The following LRRC34 variants were observed in gnomAD, a reference collection of about 807,000 sequenced individuals.
LRRC34 encodes the protein leucine rich repeat containing 34, also known as leucine-rich repeat-containing protein 34.
LRRC34 carries 44 observed loss-of-function variants against 48.5 expected under a neutral mutation model. The observed-to-expected ratio is 0.91, with a 90% confidence interval of 0.71 to 1.17. LRRC34 has a LOEUF of 1.17. Among genes scored for constraint, LRRC34 ranks in the 50% most tolerant of loss-of-function variants. The pLI, the probability that LRRC34 is intolerant of heterozygous loss-of-function variation, is 0.00. For synonymous variants in LRRC34, 192 were observed against 197.6 expected (o/e 0.97, Z 0.24); for missense variants, 502 against 563.0 (o/e 0.89, Z 1.10).
At chr3:169,811,122 G>A (rs1361469821) in intron 1 of LRRC34, among the ~76,000 whole-genome samples, 4 of 152,150 alleles carry the variant, frequency 2.6e-5, no homozygotes, top group Non-Finnish European at 2.9e-5. Context: ...AGAAAATGCT[G>A]CTTTAGCGTC....
rs2108257975 is a variant in LRRC34 at position 169,812,655 on chromosome 3, A to G, written c.-107T>C. The stretch of plus-strand genomic sequence containing the variant: ...GCTGGCTGTGCCTGCCCGGGCCCTG[A>G]GGCCTCACTGCTAAGGCAGTGACCG... On this transcript the variant is annotated 5_prime_UTR_variant, in exon 1 of 11. Transcript: ENST00000446859. This position sits in a 1 kb window ranked among gnomAD's most constrained non-coding sequence, Gnocchi z 4.3. 2.2e-6 allele frequency: 3 copies of G among 1,377,930 alleles called. No homozygotes were observed. The highest frequency in any genetic ancestry group is 5.9e-5 in the East Asian group (2 of 34,058). 85.4% of individuals were successfully genotyped at this position (1,377,930 alleles called of 1,614,324 possible). A position where few individuals can be genotyped will look rare whatever the true frequency, so the allele number is the denominator to read the frequency against.
At chr3:169,808,527 G>A (rs1230334512) in intron 2 of LRRC34, 101 bp downstream of exon 2, 1 of 673,198 alleles carries the variant, frequency 1.5e-6, no homozygotes, top group Non-Finnish European at 2.6e-6. Context: ...ATTTTACCAA[G>A]CATTTTCAAA....
intron 8 of LRRC34, 141 bp downstream of exon 8, chr3:169,796,604 T>G (rs1778997581): frequency 1.0e-6 from 1 of 998,778 alleles, no homozygotes; most frequent in Non-Finnish European, 1.4e-6. Flanking sequence ...TATTAAAGCT[T>G]AGGACAAAGG....
At chr3:169,805,807 C>T (rs929749063) in intron 5 of LRRC34, among the ~76,000 whole-genome samples, 8 of 149,804 alleles carry the variant, frequency 5.3e-5, no homozygotes, top group Admixed American at 2.7e-4. Context: ...TTGCTTGAAC[C>T]TAGGAGGTGG....
intron 9 of LRRC34, 198 bp downstream of exon 9, chr3:169,796,016 G>A (rs752096374): frequency 1.4e-5 from 18 of 1,253,458 alleles, no homozygotes; most frequent in East Asian, 3.2e-5. Flanking sequence ...TGAAGGAATC[G>A]TTAATAGAAT....
intron 5 of LRRC34, 135 bp downstream of exon 5, chr3:169,806,713 A>G (rs778134764): frequency 1.1e-4 from 61 of 568,792 alleles, no homozygotes; most frequent in South Asian, 2.9e-4. Context: ...ACTTGAATAA[A>G]TTAAAGTATA....
chr3:169,812,369 T>C lies in LRRC34; in HGVS notation c.139+41A>G. ...CGACCCCGGCGCCCCTCGCGCGTTTTGTCTGGGCCAGGCCGCGCAGACGTG... is the reference window on the plus strand; with the variant it reads ...CGACCCCGGCGCCCCTCGCGCGTTTCGTCTGGGCCAGGCCGCGCAGACGTG... On this transcript the variant is annotated intron_variant, in intron 1 of 10. Transcript: ENST00000446859. The surrounding 1 kb of genome is among the most constrained non-coding windows in gnomAD (Gnocchi z 4.3). 2 of 1,497,892 alleles carry C rather than the reference T, an allele frequency of 1.3e-6. No individual in the cohort carries two copies. Among genetic ancestry groups the C allele is most frequent in the Non-Finnish European group, 1.8e-6 (2 of 1,130,966 alleles). The allele number at this position is 1,497,892 out of a possible 1,614,324, so 92.8% of individuals were successfully genotyped here. A position where few individuals can be genotyped will look rare whatever the true frequency, so the allele number is the denominator to read the frequency against.
At chr3:169,795,089 T>C (rs1467742591) in intron 10 of LRRC34, 2 of 152,512 alleles carry the variant, frequency 1.3e-5, no homozygotes, top group East Asian at 1.9e-4. Flanking sequence ...TATTTCTGTT[T>C]TGAAAGTAGT....
At position 169,796,805 on chromosome 3, in the gene LRRC34, A is replaced by G. The variant is rs530645050; in HGVS notation, c.848T>C (p.Ile283Thr). The change falls in exon 8 of 11, where the codon ATA becomes ACA. Residue 283 changes from isoleucine to threonine, a missense_variant. By Grantham distance (89) the Ile-to-Thr change is moderately conservative. Transcript: ENST00000446859. Reference protein sequence around the residue: ...MCKHDIKNSGIQQLCDALYLN... With the variant: ...MCKHDIKNSGTQQLCDALYLN... ...ATACAGTGCATCACATAACTGTTGT[A>G]TACCACTGTTTTTTATATCATGCTT... 2.5e-6 allele frequency: 4 copies of G among 1,611,856 alleles called. No homozygotes were observed. In the African/African-American group the frequency reaches 5.3e-5, roughly 21 times the overall value.
intron 1 of LRRC34, among the ~76,000 whole-genome samples, chr3:169,810,336 T>G (rs1434674095): frequency 1.3e-5 from 2 of 152,128 alleles, no homozygotes; most frequent in African/African-American, 4.8e-5. Context: ...CTTCCTATAG[T>G]TTTTCTTTTA....
chr3:169,796,284 TAAAGG>T lies in LRRC34; in HGVS notation c.989_993del (p.Ser330Ter), dbSNP rs146400850. ...TTTGCGCCTGCATTTTCTATTCTGTTAAAGGAAAGATCTATTACTTCCAGGGTAGT... is the reference window on the plus strand; with the variant it reads ...TTTGCGCCTGCATTTTCTATTCTGTTAAAGATCTATTACTTCCAGGGTAGT... On this transcript the variant is annotated frameshift_variant, in exon 9 of 11. Coordinates refer to ENST00000446859, the MANE Select transcript of LRRC34 (RefSeq NM_001172779.2). LOFTEE classifies it high-confidence loss of function. 3,177 of 1,612,866 alleles carry T rather than the reference TAAAGG, an allele frequency of 2.0e-3. 51 individuals are homozygous for T. The African/African-American group carries it at 0.037, about 19-fold the overall frequency.
intron 6 of LRRC34, among the ~76,000 whole-genome samples, chr3:169,803,754 T>A (rs549513274): frequency 8.7e-4 from 133 of 152,332 alleles, no homozygotes; most frequent in Non-Finnish European, 1.4e-3. Flanking sequence ...AAGTAAAAAA[T>A]TATATGAATA....
chr3:169,812,086 C>T lies in LRRC34; in HGVS notation c.139+324G>A, dbSNP rs1443042282. On this transcript the variant is annotated intron_variant, in intron 1 of 10. Coordinates refer to ENST00000446859, the MANE Select transcript of LRRC34 (RefSeq NM_001172779.2). This position sits in a 1 kb window ranked among gnomAD's most constrained non-coding sequence, Gnocchi z 4.3. ...CAAAAAGGGGGCTGAGAAGAGCCCC[C>T]CCGCCACCCCCTCCCGGAGACCCTG... is the stretch of plus-strand genomic sequence containing the variant. Among the ~76,000 whole-genome samples, 1 of 152,082 alleles carries T rather than the reference C, an allele frequency of 6.6e-6. No individual in the cohort carries two copies. The highest frequency in any genetic ancestry group is 1.5e-5 in the Non-Finnish European group (1 of 68,002).
chr3:169,803,047 T>C (rs1779251175), intron 6 of LRRC34, among the ~76,000 whole-genome samples: 2 of 152,096 alleles, frequency 1.3e-5, no homozygotes, highest in African/African-American at 2.4e-5. Context: ...CTTATTTTCA[T>C]GTCACATTGA....
At position 169,812,381 on chromosome 3, in the gene LRRC34, G is replaced by C. The variant is rs983453285; in HGVS notation, c.139+29C>G. 5 of 1,519,114 alleles carry C rather than the reference G, an allele frequency of 3.3e-6. No homozygotes were observed. The highest frequency in any genetic ancestry group is 2.8e-5 in the African/African-American group (2 of 70,356). The allele number at this position is 1,519,114 out of a possible 1,614,324, so 94.1% of individuals were successfully genotyped here. A position where few individuals can be genotyped will look rare whatever the true frequency, so the allele number is the denominator to read the frequency against. ...CCCTCGCGCGTTTTGTCTGGGCCAG[G>C]CCGCGCAGACGTGCTCCCTACTTCT... is the stretch of plus-strand genomic sequence containing the variant. On this transcript the variant is annotated intron_variant, in intron 1 of 10. Coordinates refer to ENST00000446859, the MANE Select transcript of LRRC34 (RefSeq NM_001172779.2). The surrounding 1 kb of genome is among the most constrained non-coding windows in gnomAD (Gnocchi z 4.3).
intron 9 of LRRC34, 105 bp downstream of exon 9, chr3:169,796,109 C>T: frequency 7.2e-7 from 1 of 1,397,812 alleles, no homozygotes; most frequent in Non-Finnish European, 9.3e-7. Flanking sequence ...AGTTTAGAAG[C>T]TGAGTTTTCA....
Position 169,807,407 on chromosome 3 carries a change from T to C in LRRC34, c.444+19A>G. 2 of 1,609,070 alleles carry C rather than the reference T, an allele frequency of 1.2e-6. No homozygotes were observed. Among genetic ancestry groups the C allele is most frequent in the Non-Finnish European group, 1.7e-6 (2 of 1,175,546 alleles). On this transcript the variant is annotated intron_variant, in intron 4 of 10. Coordinates refer to ENST00000446859, the MANE Select transcript of LRRC34 (RefSeq NM_001172779.2). ...TTCATTGTAAATGGAACTAAGGACA[T>C]TTTGTAGTAAAATAATACCTGAAGC...
At chr3:169,804,204 T>A in intron 5 of LRRC34, 23 bp from the exon 6 acceptor site, 2 of 1,530,636 alleles carry the variant, frequency 1.3e-6, no homozygotes, top group Non-Finnish European at 1.8e-6. Context: ...AAAAACTTAT[T>A]TAATAATTGT....
At chr3:169,810,076 C>T (rs1779508902) in intron 1 of LRRC34, among the ~76,000 whole-genome samples, 1 of 151,584 alleles carries the variant, frequency 6.6e-6, no homozygotes, top group African/African-American at 2.4e-5. Context: ...CCTGCCTCAG[C>T]CTCCCGAGTA....
Sources: allele counts gnomAD v4.1 joint callset (sites outside exome capture counted in the v4.1 genomes callset), GRCh38; gene constraint gnomAD v4.1.1; non-coding constraint Gnocchi (gnomAD v3.1); transcripts MANE v1.5; gene names NCBI Gene and HGNC (gene_info 2026-07-23, HGNC 2026-07-21).